SMCO2: variants seen among roughly 807,000 people sequenced by gnomAD.
The protein encoded by SMCO2 is single-pass membrane and coiled-coil domain-containing protein 2.
Under a neutral mutation model 29.5 loss-of-function variants are expected in SMCO2, and 25 were observed. The observed-to-expected ratio is 0.85, with a 90% CI of 0.62 to 1.18. The LOEUF (loss-of-function observed/expected upper bound fraction) is 1.18, where lower values mean the gene tolerates loss of function less well. Among genes scored for constraint, SMCO2 ranks in the 50% most tolerant of loss-of-function variants. The pLI is 0.00. For synonymous variants in SMCO2, 117 were observed against 123.3 expected, an observed-to-expected ratio of 0.95 and a Z score of 0.34; for missense variants, 348 against 344.5, an observed-to-expected ratio of 1.01 and a Z score of -0.08.
At chr12:27,428,492 TTGTTGAGGAGGGGA>T in the SMCO2 span, among the ~76,000 whole-genome samples, 1 of 152,298 alleles carries the variant, frequency 6.6e-6, no homozygotes, top group East Asian at 1.9e-4. Flanking sequence ...TGGTTGTTTT[TTGTTGAGGAGGGGA>T]GGCAAGGCAG....
At chr12:27,481,678 A>G (rs937578941) in intron 4 of SMCO2, among the ~76,000 whole-genome samples, 26 of 152,158 alleles carry the variant, frequency 1.7e-4, no homozygotes, top group Non-Finnish European at 2.9e-5. Flanking sequence ...TAATTTCTTT[A>G]ATAGATGTAA....
At chr12:27,459,037 A>C in the SMCO2 span, among the ~76,000 whole-genome samples, 1 of 151,360 alleles carries the variant, frequency 6.6e-6, no homozygotes, top group Non-Finnish European at 1.5e-5. Flanking sequence ...AATACAAAAA[A>C]TTAGCTGGGT....
chr12:27,490,584 GA>G (rs1215193682), intron 5 of SMCO2, among the ~76,000 whole-genome samples: 1 of 152,136 alleles, frequency 6.6e-6, no homozygotes, highest in African/African-American at 2.4e-5. Flanking sequence ...CAGTCTGATA[GA>G]AAAAGCTACA....
At chr12:27,446,964 C>T in the SMCO2 span, among the ~76,000 whole-genome samples, 57 of 152,270 alleles carry the variant, frequency 3.7e-4, no homozygotes, top group African/African-American at 1.3e-3. Context: ...GGGTTAGGGA[C>T]GGTGGCTGAG....
the SMCO2 span, among the ~76,000 whole-genome samples, chr12:27,453,990 T>C: frequency 2.6e-5 from 4 of 152,120 alleles, no homozygotes; most frequent in Admixed American, 2.6e-4. Flanking sequence ...GAATCTCTTT[T>C]TTGTGGGGGA....
chr12:27,448,107 C>G, the SMCO2 span, among the ~76,000 whole-genome samples: 1 of 152,130 alleles, frequency 6.6e-6, no homozygotes, highest in South Asian at 2.1e-4. Flanking sequence ...TTTTTAGAAA[C>G]AAGTAGAGAA....
intron 7 of SMCO2, among the ~76,000 whole-genome samples, chr12:27,501,451 CAAAA>C (rs1943077271): frequency 7.5e-6 from 1 of 133,454 alleles, no homozygotes; most frequent in African/African-American, 2.9e-5. Flanking sequence ...ACAAACAAAA[CAAAA>C]CAAAAAAAGC....
At chr12:27,435,291 CCCCCCCCCCCCG>C in the SMCO2 span, among the ~76,000 whole-genome samples, 179 of 21,440 alleles carry the variant, frequency 8.3e-3, 56 homozygotes, top group African/African-American at 0.02. Context: ...AACCCCCCCC[CCCCCCCCCCCCG>C]GCAATTGTGA....
rs753137117 is a variant in SMCO2 at position 27,501,942 on chromosome 12, TTCA to T, written c.708_710del (p.Ile236del). On this transcript the variant is annotated inframe_deletion, in exon 8 of 8. Transcript: ENST00000298876. Reference sequence around the variant, plus strand: ...TTGTAGGAAACGTGCACTGAGGATTTTCATCATGTTTGATGTCCTCACCGTCAC... The same window carrying T: ...TTGTAGGAAACGTGCACTGAGGATTTTCATGTTTGATGTCCTCACCGTCAC... 29 of 1,540,516 alleles carry T rather than the reference TTCA, an allele frequency of 1.9e-5. 1 individual carries two copies. The highest frequency in any genetic ancestry group is 2.4e-5 in the Non-Finnish European group (27 of 1,143,170).
the SMCO2 span, among the ~76,000 whole-genome samples, chr12:27,455,482 A>G: frequency 3.3e-5 from 5 of 152,202 alleles, no homozygotes; most frequent in Admixed American, 3.3e-4. Flanking sequence ...CTTTCAGAAG[A>G]ACACAGTTTA....
chr12:27,497,147 G>T, intron 7 of SMCO2: 1 of 155,670 alleles, frequency 6.4e-6, no homozygotes. Context: ...CTTTTGTAAG[G>T]AATCTAAGAG....
Position 27,495,323 on chromosome 12 carries a change from A to G in SMCO2, c.508-357A>G, listed in dbSNP as rs544779261. Among the ~76,000 whole-genome samples the G allele has an allele frequency of 1.2e-4, 18 of 146,920 alleles. 2 individuals are homozygous for G. Among genetic ancestry groups the G allele is most frequent in the Admixed American group, 1.0e-3 (15 of 14,948 alleles). ...ATTGTATTCTTTGTCTATTTTGTTA[A>G]CACTGTATCCTAGAACCTGTTAGCA... On this transcript the variant is annotated intron_variant, in intron 6 of 7. Coordinates refer to ENST00000298876, the Ensembl canonical transcript of SMCO2.
chr12:27,495,741 A>G (rs964486961), exon 7 of SMCO2: 4 of 1,539,218 alleles, frequency 2.6e-6, no homozygotes, highest in Admixed American at 3.9e-5. Context: ...ATGGAGGCAG[A>G]GGACACTGAC....
At chr12:27,495,405 G>C (rs1942987320) in intron 6 of SMCO2, among the ~76,000 whole-genome samples, 3 of 150,668 alleles carry the variant, frequency 2.0e-5, no homozygotes. Context: ...GAGGAATTTA[G>C]TACAAGGACA....
At chr12:27,430,099 A>G in the SMCO2 span, among the ~76,000 whole-genome samples, 1 of 152,160 alleles carries the variant, frequency 6.6e-6, no homozygotes, top group East Asian at 1.9e-4. Context: ...CAACTCTTCA[A>G]TGACTAGTCC....
chr12:27,484,731 T>C (rs1949672692), intron 4 of SMCO2, among the ~76,000 whole-genome samples: 2 of 151,594 alleles, frequency 1.3e-5, no homozygotes, highest in Non-Finnish European at 2.9e-5. Context: ...CATGTGCCTG[T>C]AGTCCCAGCT....
At chr12:27,449,635 T>G in the SMCO2 span, among the ~76,000 whole-genome samples, 1 of 152,236 alleles carries the variant, frequency 6.6e-6, no homozygotes, top group Non-Finnish European at 1.5e-5. Flanking sequence ...TATACAGATT[T>G]AGTTCTCATC....
chr12:27,474,685 G>A, intron 3 of SMCO2, 101 bp from the exon 4 acceptor site: 2 of 1,364,124 alleles, frequency 1.5e-6, no homozygotes, highest in Non-Finnish European at 2.0e-6. Flanking sequence ...AGAGGACTAT[G>A]TGCTTGACCC....
intron 4 of SMCO2, chr12:27,475,704 T>A (rs995091474): frequency 1.3e-6 from 2 of 1,548,872 alleles, no homozygotes; most frequent in Admixed American, 2.0e-5. Context: ...ATTAAAAAAA[T>A]AAATGTAACA....
Sources: gnomAD v4.1 joint callset for allele counts (sites outside exome capture counted in the v4.1 genomes callset) on GRCh38, gnomAD v4.1.1 for gene constraint, MANE v1.5 for transcripts, NCBI Gene and HGNC (gene_info 2026-07-23, HGNC 2026-07-21) for gene names.